Variants in NISCH observed in about 807,000 individuals in gnomAD.
NISCH encodes I-1 receptor candidate protein.
NISCH carries 55 observed loss-of-function variants against 138.4 expected under a neutral mutation model. That is an observed-to-expected ratio of 0.40 (90% confidence interval 0.32 to 0.50). The LOEUF (loss-of-function observed/expected upper bound fraction) is 0.50. Among genes scored for constraint, NISCH ranks in the 20% least tolerant of loss-of-function variants. The pLI is 0.71. For synonymous variants in NISCH, 860 were observed against 861.5 expected (o/e 1.00, Z 0.03); for missense variants, 1,643 against 2,005.5 (o/e 0.82, Z 3.45).
At chr3:52,480,338 C>G (rs765421838) in intron 13 of NISCH, 43 bp downstream of exon 13, 1 of 1,610,556 alleles carries the variant, frequency 6.2e-7, no homozygotes, top group Non-Finnish European at 8.5e-7. Context: ...CCACACAGCC[C>G]TGCCTGGGCC....
In NISCH at chr3:52,491,862, C is replaced by T; in HGVS notation, c.3905-10C>T. 6.4e-7 allele frequency: 1 copy of T among 1,573,426 alleles called. No homozygotes were observed. The highest frequency in any genetic ancestry group is 8.7e-7 in the Non-Finnish European group (1 of 1,156,004). On this transcript the variant is annotated splice_polypyrimidine_tract_variant and intron_variant, in intron 20 of 20. Transcript: ENST00000345716. ...TTCCAGGCTATAGCCCAGGTGGCAT[C>T]TCTCTGCAGGGAAGATGGAGAACTA... is the stretch of plus-strand genomic sequence containing the variant.
intron 8 of NISCH, 32 bp from the exon 9 acceptor site, chr3:52,477,542 C>T (rs1707137953): frequency 6.3e-7 from 1 of 1,597,010 alleles, no homozygotes. Flanking sequence ...CAGCCCCCTA[C>T]AGTAACATCG....
At chr3:52,465,524 G>A (rs1706757195) in intron 3 of NISCH, among the ~76,000 whole-genome samples, 1 of 152,212 alleles carries the variant, frequency 6.6e-6, no homozygotes. Context: ...GTATGAGTGA[G>A]GGGCACACTG....
In NISCH at chr3:52,471,987, C is replaced by T; in HGVS notation, c.573+10C>T. 1 of 1,568,508 alleles carries T rather than the reference C, an allele frequency of 6.4e-7. No homozygotes were observed. The highest frequency in any genetic ancestry group is 8.7e-7 in the Non-Finnish European group (1 of 1,153,732). On this transcript the variant is annotated intron_variant, in intron 5 of 20. Transcript: ENST00000345716. ...CCTTAAGTACCTTAAGGTAAAGCTG[C>T]AGCAGCTCAGTCATGGAGAGCCCCG...
chr3:52,456,687 T>C (rs570522221), intron 1 of NISCH, among the ~76,000 whole-genome samples: 41 of 152,284 alleles, frequency 2.7e-4, no homozygotes, highest in African/African-American at 8.9e-4. Flanking sequence ...GGCTCTTTTC[T>C]CCTTTCCTGA....
chr3:52,471,594 C>T (rs1706948752), intron 4 of NISCH: 1 of 583,048 alleles, frequency 1.7e-6, no homozygotes, highest in South Asian at 2.1e-5. Context: ...AGCCTCACAG[C>T]CCCACAGCCC....
intron 13 of NISCH, among the ~76,000 whole-genome samples, chr3:52,483,814 G>A (rs1578305802): frequency 6.6e-6 from 1 of 152,380 alleles, no homozygotes; most frequent in East Asian, 1.9e-4. Flanking sequence ...TGCTCCAGGA[G>A]TGAACACATT....
chr3:52,462,596 G>T (rs1262490062), intron 3 of NISCH, among the ~76,000 whole-genome samples: 1 of 152,106 alleles, frequency 6.6e-6, no homozygotes, highest in Non-Finnish European at 1.5e-5. Context: ...CATTGGATAG[G>T]GTGGACCCAG....
chr3:52,488,543 C>T lies in NISCH; in HGVS notation c.3051C>T (p.Pro1017=), dbSNP rs550742605. 43 of 1,613,018 alleles carry T rather than the reference C, an allele frequency of 2.7e-5. No homozygotes were observed. In the Admixed American group the frequency reaches 3.3e-4, roughly 12 times the overall value. ...AGACTGTGGTCATCGCCAAGACCCC[C>T]GGGACGGGAGGCAGCCCCCAGGGCT... ...DLKTVVIAKT[P]GTGGSPQGSF... The change falls in exon 16 of 21, where the codon CCC becomes CCT. Residue 1017 remains proline, a synonymous_variant. Coordinates refer to ENST00000345716, the MANE Select transcript of NISCH (RefSeq NM_007184.4).
At chr3:52,482,318 G>A (rs1707297104) in intron 13 of NISCH, among the ~76,000 whole-genome samples, 1 of 152,196 alleles carries the variant, frequency 6.6e-6, no homozygotes, top group African/African-American at 2.4e-5. Flanking sequence ...CCTGAAGGGG[G>A]CGCTGTCCAG....
Position 52,472,362 on chromosome 3 carries a change from C to T in NISCH, c.633C>T (p.Phe211=), listed in dbSNP as rs754783188. The T allele has an allele frequency of 6.8e-6, 11 of 1,614,138 alleles. No individual in the cohort carries two copies. The highest frequency in any genetic ancestry group is 1.7e-5 in the Admixed American group (1 of 60,018). Residue 211 remains phenylalanine (F), a synonymous_variant, in exon 6 of 21, where the codon TTC becomes TTT. Coordinates refer to ENST00000345716, the MANE Select transcript of NISCH (RefSeq NM_007184.4). ...TSNIQEQLLP[F]DLSIFKSLHQ... is the part of the protein sequence containing the mutation. ...ACATTCAGGAGCAGCTCCTGCCGTT[C>T]GACCTATCAATATTCAAGTCCCTGC... is the stretch of plus-strand genomic sequence containing the variant.
Position 52,487,409 on chromosome 3 carries a change from GGAT to G in NISCH, c.1920_1922del (p.Asp640del), listed in dbSNP as rs753487302. ...GCCAGGGTGAACAGGGCGAGGAGGA[GGAT>G]GAGGAGGAGGAAGAAGAGGAGGACG... On this transcript the variant is annotated inframe_deletion, in exon 16 of 21. Coordinates refer to ENST00000345716, the MANE Select transcript of NISCH (RefSeq NM_007184.4). The surrounding 1 kb of genome is among the most constrained non-coding windows in gnomAD (Gnocchi z 9.1). 99 of 1,612,824 alleles carry G rather than the reference GGAT, an allele frequency of 6.1e-5. No homozygotes were observed. The African/African-American group carries it at 1.1e-3, about 18-fold the overall frequency.
rs775506096 is a variant in NISCH, at chr3:52,488,192, C to T, written c.2700C>T (p.Ala900=). The change falls in exon 16 of 21, where the codon GCC becomes GCT. Residue 900 remains alanine, a synonymous_variant. Coordinates refer to ENST00000345716, the MANE Select transcript of NISCH (RefSeq NM_007184.4). ...VRRSCCAPSE[A]VKSAAIPYWL... ...GCTCCTGCTGCGCGCCCTCTGAGGC[C>T]GTCAAGTCCGCCGCCATCCCCTACT... The T allele has an allele frequency of 5.0e-6, 8 of 1,613,222 alleles. No individual in the cohort carries two copies. Among genetic ancestry groups the T allele is most frequent in the African/African-American group, 2.7e-5 (2 of 75,040 alleles).
intron 13 of NISCH, among the ~76,000 whole-genome samples, chr3:52,482,276 C>G (rs1465363417): frequency 6.6e-6 from 1 of 152,170 alleles, no homozygotes; most frequent in Admixed American, 6.5e-5. Flanking sequence ...GAGAAGGGAG[C>G]CTGCTTGCGA....
intron 3 of NISCH, among the ~76,000 whole-genome samples, chr3:52,463,611 C>T (rs1444888959): frequency 4.7e-5 from 7 of 150,166 alleles, no homozygotes; most frequent in African/African-American, 1.7e-4. Context: ...CTTAACACTT[C>T]TTGTCCATTT....
At chr3:52,472,186 A>G (rs1706969703) in intron 5 of NISCH, 117 bp from the exon 6 acceptor site, 1 of 1,090,512 alleles carries the variant, frequency 9.2e-7, no homozygotes, top group East Asian at 2.4e-5. Context: ...TCCTGGCCTG[A>G]GCCTGCTTTG....
rs765485063 is a variant in NISCH, at chr3:52,491,510, A to G, written c.3901A>G (p.Thr1301Ala). The G allele has an allele frequency of 4.3e-6, 7 of 1,611,286 alleles. No homozygotes were observed. Among genetic ancestry groups the G allele is most frequent in the Non-Finnish European group, 5.1e-6 (6 of 1,178,858 alleles). Residue 1301 changes from threonine (T) to alanine (A), a missense_variant, in exon 20 of 21, where the codon ACA becomes GCA. Coordinates refer to ENST00000345716, the MANE Select transcript of NISCH (RefSeq NM_007184.4). ...DFYSEFGNKTTGKMENYELIH... is the reference protein window; with the variant it reads ...DFYSEFGNKTAGKMENYELIH... The stretch of plus-strand genomic sequence containing the variant: ...CTACTCCGAGTTTGGGAACAAGACC[A>G]CAGGTACCCCTGTCTAGCTCAGGCT...
Position 52,477,554 on chromosome 3 carries a change from G to T in NISCH, c.919-20G>T. 1 of 1,608,516 alleles carries T rather than the reference G, an allele frequency of 6.2e-7. No homozygotes were observed. Reference sequence around the variant, plus strand: ...GTCCAGCCCCCTACAGTAACATCGGGTGTTCTTTTCTTTCACAAGAAACTG... The same window carrying T: ...GTCCAGCCCCCTACAGTAACATCGGTTGTTCTTTTCTTTCACAAGAAACTG... On this transcript the variant is annotated intron_variant, in intron 8 of 20. Transcript: ENST00000345716.
chr3:52,457,786 G>A lies in NISCH; in HGVS notation c.94-57G>A, dbSNP rs1327158316. 37 of 1,165,526 alleles carry A rather than the reference G, an allele frequency of 3.2e-5. 2 individuals carry two copies. The South Asian group carries it at 4.4e-4, about 14-fold the overall frequency. 72.2% of individuals were successfully genotyped at this position (1,165,526 alleles called of 1,614,324 possible). On this transcript the variant is annotated intron_variant, in intron 1 of 20. Coordinates refer to ENST00000345716, the MANE Select transcript of NISCH (RefSeq NM_007184.4). ...AATTGCAGCTTTTGCTGCTGGGGGA[G>A]GAGACTCCTTGTTGCTGGGCTCCCT...
Sources: gnomAD v4.1 joint callset for allele counts (sites outside exome capture counted in the v4.1 genomes callset) on GRCh38, gnomAD v4.1.1 for gene constraint, Gnocchi (gnomAD v3.1) non-coding constraint, MANE v1.5 for transcripts, NCBI Gene and HGNC (gene_info 2026-07-23, HGNC 2026-07-21) for gene names.